Variants in TTC28 observed in about 807,000 individuals in gnomAD.
TTC28 encodes the protein tetratricopeptide repeat domain 28.
A neutral mutation model predicts 198.0 loss-of-function variants in TTC28; 61 were observed. That is an observed-to-expected ratio of 0.31 (90% CI 0.25 to 0.38). The LOEUF (loss-of-function observed/expected upper bound fraction) is 0.38, where lower values mean the gene tolerates loss of function less well. Ranked by LOEUF, TTC28 falls within the 10% of genes least tolerant of loss-of-function variation. The pLI is 1.00. For missense variants in TTC28, 2,678 were observed against 3,164.0 expected, an observed-to-expected ratio of 0.85 and a Z score of 3.69; for synonymous variants, 1,171 against 1,297.8, an observed-to-expected ratio of 0.90 and a Z score of 2.10.
At chr22:28,475,021 A>G (rs1176649779) in intron 2 of TTC28, among the ~76,000 whole-genome samples, 1 of 151,932 alleles carries the variant, frequency 6.6e-6, no homozygotes, top group African/African-American at 2.4e-5. Context: ...GAACATTAAG[A>G]AAACAAAAGT....
chr22:28,360,093 CTCTCT>C (rs2046135928), intron 2 of TTC28, among the ~76,000 whole-genome samples: 1 of 152,106 alleles, frequency 6.6e-6, no homozygotes, highest in Admixed American at 6.5e-5. Context: ...AAATATTTAC[CTCTCT>C]TCTTTCCCTC....
chr22:28,026,065 C>T (rs1938819547), intron 13 of TTC28, among the ~76,000 whole-genome samples: 1 of 152,224 alleles, frequency 6.6e-6, no homozygotes, highest in Non-Finnish European at 1.5e-5. Context: ...ACAGTCACTG[C>T]ATTCCCTCCC....
chr22:28,553,618 G>A (rs996713003), intron 2 of TTC28, among the ~76,000 whole-genome samples: 134 of 151,616 alleles, frequency 8.8e-4, no homozygotes, highest in African/African-American at 3.0e-3. Context: ...AGTGAGGAGC[G>A]TCTCCGCCCG....
chr22:28,153,547 C>T (rs1159760523), intron 6 of TTC28, among the ~76,000 whole-genome samples: 1 of 150,480 alleles, frequency 6.6e-6, no homozygotes, highest in Non-Finnish European at 1.5e-5. Flanking sequence ...TGAATATAAA[C>T]ATGTGACACT....
intron 2 of TTC28, among the ~76,000 whole-genome samples, chr22:28,407,471 C>T (rs867063600): frequency 3.6e-5 from 5 of 139,522 alleles, no homozygotes; most frequent in African/African-American, 1.4e-4. Flanking sequence ...CACATGCGTG[C>T]GCACACACAC....
intron 2 of TTC28, among the ~76,000 whole-genome samples, chr22:28,353,225 G>A (rs1439815716): frequency 6.6e-6 from 1 of 152,134 alleles, no homozygotes; most frequent in East Asian, 1.9e-4. Flanking sequence ...TGCCTTATAT[G>A]TTGCAAGCCA....
chr22:28,435,167 G>T (rs2047500323), intron 2 of TTC28, among the ~76,000 whole-genome samples: 1 of 152,152 alleles, frequency 6.6e-6, no homozygotes, highest in Non-Finnish European at 1.5e-5. Flanking sequence ...GTAAGTCAAA[G>T]AACATAATTT....
intron 2 of TTC28, among the ~76,000 whole-genome samples, chr22:28,513,986 T>C (rs1465423100): frequency 6.6e-6 from 1 of 152,076 alleles, no homozygotes; most frequent in African/African-American, 2.4e-5. Context: ...TTGTACAAAA[T>C]ACAAAAGAGA....
intron 2 of TTC28, among the ~76,000 whole-genome samples, chr22:28,464,543 T>C (rs1005726483): frequency 5.3e-5 from 8 of 152,154 alleles, no homozygotes; most frequent in African/African-American, 1.9e-4. Flanking sequence ...TTAGGAAAGG[T>C]TTTTTCTATC....
At chr22:28,035,960 C>T (rs1939325112) in intron 12 of TTC28, among the ~76,000 whole-genome samples, 1 of 152,064 alleles carries the variant, frequency 6.6e-6, no homozygotes, top group Non-Finnish European at 1.5e-5. Context: ...ATATATGCAC[C>T]CAATACAGGA....
chr22:28,086,023 G>C (rs1941580772), intron 12 of TTC28, among the ~76,000 whole-genome samples: 1 of 152,150 alleles, frequency 6.6e-6, no homozygotes, highest in African/African-American at 2.4e-5. Flanking sequence ...CAAGTCCTCA[G>C]TGACCTACAA....
At chr22:28,101,525 G>C (rs1045118664) in intron 8 of TTC28, among the ~76,000 whole-genome samples, 1 of 151,980 alleles carries the variant, frequency 6.6e-6, no homozygotes, top group Non-Finnish European at 1.5e-5. Flanking sequence ...CAACCCGGCT[G>C]GCTTTTGTAT....
At chr22:27,988,079 C>T (rs965037380) in intron 21 of TTC28, among the ~76,000 whole-genome samples, 1 of 151,846 alleles carries the variant, frequency 6.6e-6, no homozygotes, top group Non-Finnish European at 1.5e-5. Context: ...AATAAAAAAC[C>T]AAGTAATGCA....
intron 2 of TTC28, among the ~76,000 whole-genome samples, chr22:28,384,512 C>G (rs1003338446): frequency 3.9e-5 from 6 of 152,170 alleles, no homozygotes; most frequent in African/African-American, 7.2e-5. Context: ...TCCATGAAAG[C>G]AGAAAATTTA....
At chr22:28,024,132 A>C (rs1389820402) in intron 13 of TTC28, among the ~76,000 whole-genome samples, 1 of 152,068 alleles carries the variant, frequency 6.6e-6, no homozygotes, top group Non-Finnish European at 1.5e-5. Flanking sequence ...ACTGAGCCTC[A>C]GGCGAGTGCA....
chr22:28,652,649 T>C (rs2051581890), intron 1 of TTC28, among the ~76,000 whole-genome samples: 1 of 152,218 alleles, frequency 6.6e-6, no homozygotes, highest in Admixed American at 6.5e-5. Context: ...AAAATCTTCT[T>C]AGCTGTTTTT....
chr22:28,273,809 G>A (rs1342366299), intron 5 of TTC28, among the ~76,000 whole-genome samples: 1 of 152,044 alleles, frequency 6.6e-6, no homozygotes, highest in East Asian at 1.9e-4. Flanking sequence ...TACAGTAAAA[G>A]TGTGGAAAAT....
In TTC28 at chr22:28,100,981, C is replaced by T. The variant is rs1351379454; in HGVS notation, c.3417+190G>A. On this transcript the variant is annotated intron_variant, in intron 9 of 22. Coordinates refer to ENST00000397906, the MANE Select transcript of TTC28 (RefSeq NM_001145418.2). Reference sequence around the variant, plus strand: ...TCTTAAGAAATTGAGAAATCTATCACATGAGTGAGCAAAAATCTTTACTAA... The same window carrying T: ...TCTTAAGAAATTGAGAAATCTATCATATGAGTGAGCAAAAATCTTTACTAA... Among the ~76,000 whole-genome samples, 4 of 152,330 alleles carry T rather than the reference C, an allele frequency of 2.6e-5. No homozygotes were observed. The East Asian group carries it at 7.7e-4, about 29-fold the overall frequency.
intron 2 of TTC28, among the ~76,000 whole-genome samples, chr22:28,528,428 C>A (rs1438382613): frequency 6.6e-6 from 1 of 151,892 alleles, no homozygotes; most frequent in African/African-American, 2.4e-5. Context: ...GCAAAGAAGT[C>A]AGCTTAAAAA....
Sources: allele counts gnomAD v4.1 joint callset (sites outside exome capture counted in the v4.1 genomes callset), GRCh38; gene constraint gnomAD v4.1.1; transcripts MANE v1.5; gene names NCBI Gene and HGNC (gene_info 2026-07-23, HGNC 2026-07-21).